Variants in GOLGA3 observed in about 807,000 individuals in gnomAD.
GOLGA3 encodes golgin A3.
Under a neutral mutation model 169.4 loss-of-function variants are expected in GOLGA3, and 75 were observed. The ratio of observed to expected loss-of-function variants is 0.44; its 90% confidence interval spans 0.37 to 0.54. GOLGA3 has a LOEUF of 0.54. GOLGA3 is among the 20% of genes least tolerant of loss of function. The pLI is 0.00. For synonymous variants in GOLGA3, 824 were observed against 822.4 expected (o/e 1.00, Z -0.03); for missense variants, 1,899 against 1,930.0 (o/e 0.98, Z 0.30).
At chr12:132,798,975 G>A (rs1309180951) in intron 8 of GOLGA3, among the ~76,000 whole-genome samples, 2 of 152,202 alleles carry the variant, frequency 1.3e-5, no homozygotes, top group African/African-American at 2.4e-5. Flanking sequence ...CTGGCCAAGC[G>A]TCTCGTGAAA....
At chr12:132,775,359 C>G in intron 21 of GOLGA3, 54 bp from the exon 22 acceptor site, 1 of 1,483,196 alleles carries the variant, frequency 6.7e-7, no homozygotes, top group East Asian at 2.3e-5. Flanking sequence ...AACATCCTGC[C>G]AAGATCCGAG....
rs961864309 is a variant in GOLGA3, at chr12:132,771,615, G to A, written c.*1490C>T. On this transcript the variant is annotated 3_prime_UTR_variant, in exon 24 of 24. Transcript: ENST00000450791. ...CTCACGGTGCCTGCCTGTCTCTTCCGGAAGTCGCCTCTGCTTGCCACATGA... is the reference window on the plus strand; with the variant it reads ...CTCACGGTGCCTGCCTGTCTCTTCCAGAAGTCGCCTCTGCTTGCCACATGA... 9.9e-5 allele frequency: 15 copies of A among 152,028 alleles called. No individual in the cohort carries two copies. Among genetic ancestry groups the A allele is most frequent in the African/African-American group, 3.6e-4 (15 of 41,362 alleles). 9.4% of individuals were successfully genotyped at this position (152,028 alleles called of 1,614,324 possible).
At chr12:132,823,454 C>T (rs1950294596) in intron 1 of GOLGA3, among the ~76,000 whole-genome samples, 1 of 152,234 alleles carries the variant, frequency 6.6e-6, no homozygotes, top group African/African-American at 2.4e-5. Context: ...CAACCTTCGC[C>T]TCTAGCTTAC....
intron 10 of GOLGA3, 58 bp from the exon 11 acceptor site, chr12:132,796,278 C>T: frequency 4.6e-6 from 7 of 1,515,230 alleles, no homozygotes; most frequent in Non-Finnish European, 6.2e-6. Context: ...GAGCGTATGC[C>T]CTTTTCCTGT....
intron 2 of GOLGA3, among the ~76,000 whole-genome samples, chr12:132,817,184 C>A (rs1182465265): frequency 1.1e-4 from 16 of 141,766 alleles, no homozygotes; most frequent in Admixed American, 2.8e-4. Context: ...GTGAACCCGC[C>A]CTCCACACCT....
rs1366610145 is a variant in GOLGA3, at chr12:132,808,256, A to C, written c.813T>G (p.Gly271=). 2 of 1,614,034 alleles carry C rather than the reference A, an allele frequency of 1.2e-6. No homozygotes were observed. Among genetic ancestry groups the C allele is most frequent in the Non-Finnish European group, 1.7e-6 (2 of 1,180,020 alleles). The part of the protein sequence containing the change: ...GNVPAPDSTK[G]SLKQNRSSAA... ...CACTGCTTCTGTTCTGCTTCAGGGA[A>C]CCCTTGGTAGAATCGGGAGCCGGGA... The change falls in exon 5 of 24, where the codon GGT becomes GGG. Residue 271 remains glycine, a synonymous_variant. Coordinates refer to ENST00000450791, the MANE Select transcript of GOLGA3 (RefSeq NM_001389683.1).
At chr12:132,787,628 TCCCCGGAGACCAC>T (rs2045974990) in intron 13 of GOLGA3, among the ~76,000 whole-genome samples, 9 of 37,818 alleles carry the variant, frequency 2.4e-4, no homozygotes, top group East Asian at 7.7e-4. Context: ...CCGGGACCCC[TCCCCGGAGACCAC>T]GGGACCCCTC....
Position 132,822,318 on chromosome 12 carries a change from GGAGA to G in GOLGA3, c.-183-11_-183-8del, listed in dbSNP as rs1236201345. 4.6e-6 allele frequency: 6 copies of G among 1,307,596 alleles called. No individual in the cohort carries two copies. The African/African-American group carries it at 6.2e-5, about 14-fold the overall frequency. 81.0% of individuals were successfully genotyped at this position (1,307,596 alleles called of 1,614,324 possible). ...CCAGCTAATATCATGATACCTGACA[GGAGA>G]GAGAGACAAAATGTATTATGAAACT... is the stretch of plus-strand genomic sequence containing the variant. On this transcript the variant is annotated splice_polypyrimidine_tract_variant and splice_region_variant and intron_variant, in intron 1 of 23. Coordinates refer to ENST00000450791, the MANE Select transcript of GOLGA3 (RefSeq NM_001389683.1).
At chr12:132,819,280 A>G (rs1369558809) in intron 2 of GOLGA3, among the ~76,000 whole-genome samples, 5 of 152,228 alleles carry the variant, frequency 3.3e-5, no homozygotes, top group Non-Finnish European at 7.3e-5. Context: ...CTGTAATCCC[A>G]GCACTTTGGG....
At chr12:132,811,863 T>A in intron 4 of GOLGA3, 1 of 932,616 alleles carries the variant, frequency 1.1e-6, no homozygotes, top group Non-Finnish European at 1.3e-6. Flanking sequence ...AAACATGACA[T>A]AGGCTGGGCG....
intron 23 of GOLGA3, among the ~76,000 whole-genome samples, chr12:132,773,699 A>C (rs1290131219): frequency 6.6e-6 from 1 of 152,218 alleles, no homozygotes; most frequent in African/African-American, 2.4e-5. Flanking sequence ...CTATGAGTTC[A>C]CAGGCTGTGT....
chr12:132,789,179 G>T lies in GOLGA3; in HGVS notation c.2659C>A (p.Leu887Met). Residue 887 changes from leucine (L) to methionine (M), a missense_variant, in exon 13 of 24, where the codon CTG becomes ATG. Physicochemically the swap from Leu to Met is conservative, Grantham distance 15. Coordinates refer to ENST00000450791, the MANE Select transcript of GOLGA3 (RefSeq NM_001389683.1). ...CGCTTCTCCCCGTGCACTTGCATCA[G>T]CTCCTGCCGCAGCTCCTTCAGCTCC... Reference protein sequence around the residue: ...DSELKELRQELMQVHGEKRTA... With the variant: ...DSELKELRQEMMQVHGEKRTA... 1.2e-6 allele frequency: 2 copies of T among 1,611,830 alleles called. No homozygotes were observed. Among genetic ancestry groups the T allele is most frequent in the Non-Finnish European group, 8.5e-7 (1 of 1,180,018 alleles).
At position 132,819,251 on chromosome 12, in the gene GOLGA3, C is replaced by T. The variant is rs201154558; in HGVS notation, c.134-2439G>A. Among the ~76,000 whole-genome samples the T allele has an allele frequency of 1.2e-4, 19 of 152,280 alleles. 1 individual carries two copies. The East Asian group carries it at 3.1e-3, about 25-fold the overall frequency. ...GCAAATTAAAAATGAGTTTCTTAGC[C>T]GGGCGCGGTGGCTCACGCCTGTAAT... is the stretch of plus-strand genomic sequence containing the variant. On this transcript the variant is annotated intron_variant, in intron 2 of 23. Coordinates refer to ENST00000450791, the MANE Select transcript of GOLGA3 (RefSeq NM_001389683.1).
intron 13 of GOLGA3, 135 bp from the exon 14 acceptor site, chr12:132,786,922 C>T: frequency 1.5e-6 from 1 of 657,018 alleles, no homozygotes; most frequent in East Asian, 2.6e-5. Flanking sequence ...TGAGAAAAAT[C>T]CTGAGAGAGA....
chr12:132,806,271 T>G (rs564277490), intron 6 of GOLGA3, among the ~76,000 whole-genome samples: 1 of 152,200 alleles, frequency 6.6e-6, no homozygotes, highest in Admixed American at 6.5e-5. Context: ...GAAGACAAAG[T>G]GCAGTGACAG....
Position 132,804,839 on chromosome 12 carries a change from C to T in GOLGA3, c.1474G>A (p.Glu492Lys). 6.2e-7 allele frequency: 1 copy of T among 1,614,172 alleles called. No individual in the cohort carries two copies. Among genetic ancestry groups the T allele is most frequent in the Non-Finnish European group, 8.5e-7 (1 of 1,180,024 alleles). ...RAMTDLQNML[E>K]AKNASLASSN... Reference sequence around the variant, plus strand: ...GACGCCAGGCTGGCATTTTTTGCCTCCAGCATGTTCTGCAGGTCAGTCATG... The same window carrying T: ...GACGCCAGGCTGGCATTTTTTGCCTTCAGCATGTTCTGCAGGTCAGTCATG... Residue 492 changes from glutamate (E) to lysine (K), a missense_variant, in exon 7 of 24, where the codon GAG (glutamate) becomes AAG (lysine). By Grantham distance (56) the Glu-to-Lys change is moderately conservative. Coordinates refer to ENST00000450791, the MANE Select transcript of GOLGA3 (RefSeq NM_001389683.1). This position sits in a 1 kb window ranked among gnomAD's most constrained non-coding sequence, Gnocchi z 4.1.
At chr12:132,796,419 A>G in intron 10 of GOLGA3, 120 bp downstream of exon 10, 2 of 1,268,952 alleles carry the variant, frequency 1.6e-6, no homozygotes, top group East Asian at 4.7e-5. Context: ...CGACAGCCCA[A>G]CTCCCACCTG....
rs1434271358 is a variant in GOLGA3, at chr12:132,787,660, C to T, written c.2812-873G>A. On this transcript the variant is annotated intron_variant, in intron 13 of 23. Coordinates refer to ENST00000450791, the MANE Select transcript of GOLGA3 (RefSeq NM_001389683.1). Reference sequence around the variant, plus strand: ...AGACCACGGGACCCCTCCCCGGAGACCCCGGGACCCCTCCCCGGAGACCCC... The same window carrying T: ...AGACCACGGGACCCCTCCCCGGAGATCCCGGGACCCCTCCCCGGAGACCCC... Among the ~76,000 whole-genome samples, 4 of 107,996 alleles carry T rather than the reference C, an allele frequency of 3.7e-5. No homozygotes were observed. In the South Asian group the frequency reaches 1.1e-3, roughly 30 times the overall value. The allele number at this position is 107,996 out of a possible 152,430, so 70.8% of individuals were successfully genotyped here. A position where few individuals can be genotyped will look rare whatever the true frequency, so the allele number is the denominator to read the frequency against.
In GOLGA3 at chr12:132,786,399, G is replaced by T. The variant is rs367953669; in HGVS notation, c.3063C>A (p.Asp1021Glu). ...GGGCTCGGAGCTGGCCCAGCTCCGC[G>T]TCCGCAGCCTCCTTGGCCGCGAGGG... ...QEALAAKEAA[D>E]AELGQLRAQG... Residue 1021 changes from aspartate to glutamate, a missense_variant, in exon 15 of 24, where the codon GAC becomes GAA. Asp to Glu is a conservative substitution (Grantham distance 45). Transcript: ENST00000450791. The T allele has an allele frequency of 3.1e-6, 5 of 1,612,660 alleles. No individual in the cohort carries two copies. The highest frequency in any genetic ancestry group is 4.2e-6 in the Non-Finnish European group (5 of 1,179,460).
Sources: gnomAD v4.1 joint callset for allele counts (sites outside exome capture counted in the v4.1 genomes callset) on GRCh38, gnomAD v4.1.1 for gene constraint, Gnocchi (gnomAD v3.1) non-coding constraint, MANE v1.5 for transcripts, NCBI Gene and HGNC (gene_info 2026-07-23, HGNC 2026-07-21) for gene names.